The following CABLES1 variants were observed in gnomAD, a reference collection of about 807,000 sequenced individuals.
CABLES1 encodes the protein Cdk5 and Abl enzyme substrate 1, also known as CDK5 and ABL1 enzyme substrate 1.
In CABLES1, 36 loss-of-function variants were observed where a neutral mutation model predicts 57.8. The observed-to-expected ratio is 0.62, with a 90% CI of 0.48 to 0.82. CABLES1 has a LOEUF of 0.82. CABLES1 is among the 40% of genes least tolerant of loss of function. The pLI is 0.00. For synonymous variants in CABLES1, 374 were observed against 363.0 expected (o/e 1.03, Z -0.35); for missense variants, 767 against 836.6 (o/e 0.92, Z 1.03).
chr18:23,143,569 G>T (rs1461347443), intron 1 of CABLES1, among the ~76,000 whole-genome samples: 1 of 152,174 alleles, frequency 6.6e-6, no homozygotes, highest in African/African-American at 2.4e-5. Context: ...ACACCCACTC[G>T]TGCAAGTCTT....
chr18:23,247,438 C>T (rs574343752), intron 7 of CABLES1, among the ~76,000 whole-genome samples: 1 of 152,338 alleles, frequency 6.6e-6, no homozygotes, highest in Admixed American at 6.5e-5. Flanking sequence ...AGCTTATGTG[C>T]TGGGCCCCTT....
chr18:23,211,456 C>T (rs1042822753), intron 3 of CABLES1, among the ~76,000 whole-genome samples: 1 of 152,178 alleles, frequency 6.6e-6, no homozygotes, highest in African/African-American at 2.4e-5. Flanking sequence ...GAGCAGGGCT[C>T]CCCTGGCTCC....
At chr18:23,164,003 A>G (rs1379852021) in intron 1 of CABLES1, among the ~76,000 whole-genome samples, 1 of 152,190 alleles carries the variant, frequency 6.6e-6, no homozygotes, top group Non-Finnish European at 1.5e-5. Flanking sequence ...CTTATCAAAA[A>G]TCCCAGCACT....
chr18:23,158,740 T>C (rs912670925), intron 1 of CABLES1, among the ~76,000 whole-genome samples: 1 of 152,148 alleles, frequency 6.6e-6, no homozygotes, highest in Non-Finnish European at 1.5e-5. Context: ...TTGGGTTGAA[T>C]AGTCCCTGCC....
chr18:23,171,984 G>T (rs1455208634), intron 1 of CABLES1, among the ~76,000 whole-genome samples: 2 of 152,122 alleles, frequency 1.3e-5, no homozygotes, highest in Non-Finnish European at 2.9e-5. Flanking sequence ...GTAATGGCAT[G>T]ATCACAGCTC....
At chr18:23,217,967 G>A (rs1445534490) in intron 4 of CABLES1, among the ~76,000 whole-genome samples, 6 of 152,190 alleles carry the variant, frequency 3.9e-5, no homozygotes, top group East Asian at 1.9e-4. Context: ...CCAGCCTGCC[G>A]GGCCATGCTT....
rs1418607980 is a variant in CABLES1, at chr18:23,260,412, T to A, written c.*3045T>A. ...GAGTAAGGAGCTTCCTTCCCCTCCA[T>A]GTCATTCCTTCCTGTTCCCTTCATT... On this transcript the variant is annotated 3_prime_UTR_variant, in exon 10 of 10. Coordinates refer to ENST00000256925, the MANE Select transcript of CABLES1 (RefSeq NM_001100619.3). 1 of 152,272 alleles carries A rather than the reference T, an allele frequency of 6.6e-6. No homozygotes were observed. Among genetic ancestry groups the A allele is most frequent in the African/African-American group, 2.4e-5 (1 of 41,440 alleles). 9.4% of individuals were successfully genotyped at this position (152,272 alleles called of 1,614,324 possible).
chr18:23,179,989 G>A (rs2145002873), intron 1 of CABLES1, among the ~76,000 whole-genome samples: 1 of 152,270 alleles, frequency 6.6e-6, no homozygotes, highest in Non-Finnish European at 1.5e-5. Context: ...CGCAATCTTG[G>A]CTCACTGCAA....
intron 3 of CABLES1, chr18:23,197,626 A>G (rs901435909): frequency 1.3e-5 from 2 of 152,274 alleles, no homozygotes; most frequent in African/African-American, 2.4e-5. Context: ...TACCACTGCT[A>G]GAACCAGAGC....
intron 4 of CABLES1, among the ~76,000 whole-genome samples, chr18:23,222,765 C>T: frequency 6.6e-6 from 1 of 150,426 alleles, no homozygotes; most frequent in Non-Finnish European, 1.5e-5. Flanking sequence ...GATGGTTGGC[C>T]ATAAGGAAGG....
intron 1 of CABLES1, among the ~76,000 whole-genome samples, chr18:23,172,579 C>T (rs1188579627): frequency 6.6e-6 from 1 of 152,244 alleles, no homozygotes; most frequent in African/African-American, 2.4e-5. Flanking sequence ...CCCCTACCCT[C>T]CCTAGTTGTT....
At chr18:23,149,278 T>C (rs1179324341) in intron 1 of CABLES1, among the ~76,000 whole-genome samples, 2 of 151,868 alleles carry the variant, frequency 1.3e-5, no homozygotes, top group Non-Finnish European at 2.9e-5. Flanking sequence ...TTTTTACTTT[T>C]AGGAAGTTTG....
chr18:23,137,630 A>G (rs1011534184), intron 1 of CABLES1, among the ~76,000 whole-genome samples: 3 of 152,144 alleles, frequency 2.0e-5, no homozygotes, highest in African/African-American at 7.2e-5. Context: ...TCTCTCTCCT[A>G]TCATGCTTAC....
chr18:23,181,725 C>T (rs564084665), intron 1 of CABLES1, among the ~76,000 whole-genome samples: 1 of 152,208 alleles, frequency 6.6e-6, no homozygotes, highest in South Asian at 2.1e-4. Context: ...ACAGCATGGC[C>T]CCTCCCAAGC....
At chr18:23,253,997 CAGA>C in intron 9 of CABLES1, 61 bp downstream of exon 9, 1 of 1,447,876 alleles carries the variant, frequency 6.9e-7, no homozygotes, top group Admixed American at 1.7e-5. Context: ...GTTCCTCTCT[CAGA>C]AGGATTCGGT....
chr18:23,209,651 C>G (rs1324487301), intron 3 of CABLES1, among the ~76,000 whole-genome samples: 6 of 152,136 alleles, frequency 3.9e-5, no homozygotes, highest in Non-Finnish European at 8.8e-5. Context: ...TTTTCATGTC[C>G]TTAAGAGAAT....
intron 4 of CABLES1, 85 bp downstream of exon 4, chr18:23,214,139 T>G (rs771152208): frequency 2.2e-6 from 2 of 919,450 alleles, no homozygotes; most frequent in African/African-American, 1.7e-5. Flanking sequence ...CTTTCCATTT[T>G]CAAGAAGTTG....
intron 2 of CABLES1, among the ~76,000 whole-genome samples, chr18:23,192,045 C>T (rs2047247965): frequency 6.6e-6 from 1 of 151,724 alleles, no homozygotes; most frequent in Non-Finnish European, 1.5e-5. Context: ...TGTTAAGTTA[C>T]CCTGTTAAAA....
At chr18:23,219,150 T>C (rs532740710) in intron 4 of CABLES1, 2 of 454,080 alleles carry the variant, frequency 4.4e-6, no homozygotes, top group South Asian at 3.1e-5. Context: ...GGTGAGCACC[T>C]ACTGTGTGCT....
Sources: allele counts gnomAD v4.1 joint callset (sites outside exome capture counted in the v4.1 genomes callset), GRCh38; gene constraint gnomAD v4.1.1; transcripts MANE v1.5; gene names NCBI Gene and HGNC (gene_info 2026-07-23, HGNC 2026-07-21).